The following PRICKLE2 variants were observed in gnomAD, a reference collection of about 807,000 sequenced individuals.
PRICKLE2 encodes prickle-like protein 2.
Under a neutral mutation model 81.4 loss-of-function variants are expected in PRICKLE2, and 21 were observed. The ratio of observed to expected loss-of-function variants is 0.26; its 90% CI spans 0.18 to 0.37. The LOEUF is 0.37. Ranked by LOEUF, PRICKLE2 falls within the 10% of genes least tolerant of loss-of-function variation. The pLI is 1.00. For synonymous variants in PRICKLE2, 456 were observed against 421.5 expected (o/e 1.08, Z -1.00); for missense variants, 940 against 1,109.0 (o/e 0.85, Z 2.16).
At chr3:64,238,178 C>T (rs1350349951) in intron 2 of PRICKLE2, among the ~76,000 whole-genome samples, 5 of 152,172 alleles carry the variant, frequency 3.3e-5, no homozygotes, top group Non-Finnish European at 5.9e-5. Flanking sequence ...CCACAACGTG[C>T]TTCCTTTTAG....
At chr3:64,133,377 G>T (rs1233943622) in intron 7 of PRICKLE2, among the ~76,000 whole-genome samples, 3 of 152,120 alleles carry the variant, frequency 2.0e-5, no homozygotes, top group Non-Finnish European at 1.5e-5. Flanking sequence ...GCCAGAGCTG[G>T]AAACAGATCT....
chr3:64,193,485 G>A (rs1048768662), intron 2 of PRICKLE2, among the ~76,000 whole-genome samples: 2 of 152,144 alleles, frequency 1.3e-5, no homozygotes, highest in African/African-American at 2.4e-5. Context: ...AATCCAGATC[G>A]AAATATACTG....
chr3:64,245,142 G>T (rs1240704627), intron 2 of PRICKLE2, among the ~76,000 whole-genome samples: 1 of 152,128 alleles, frequency 6.6e-6, no homozygotes, highest in Non-Finnish European at 1.5e-5. Context: ...GATAATGCTA[G>T]AATTTTTTTT....
chr3:64,255,790 A>G (rs1328953976), intron 2 of PRICKLE2, among the ~76,000 whole-genome samples: 3 of 152,228 alleles, frequency 2.0e-5, no homozygotes. Flanking sequence ...ACGTGTGGTC[A>G]TATGTCAAAG....
intron 7 of PRICKLE2, among the ~76,000 whole-genome samples, chr3:64,140,164 A>C (rs2077338542): frequency 6.6e-6 from 1 of 152,152 alleles, no homozygotes; most frequent in African/African-American, 2.4e-5. Flanking sequence ...TACAACCCTG[A>C]AAAGTAGGGT....
chr3:64,236,033 T>G (rs1252875779), intron 2 of PRICKLE2, among the ~76,000 whole-genome samples: 6 of 152,208 alleles, frequency 3.9e-5, no homozygotes, highest in African/African-American at 1.4e-4. Context: ...AAGATTTAGA[T>G]TTCCTTGTGT....
chr3:64,133,697 C>T (rs1428416102), intron 7 of PRICKLE2, among the ~76,000 whole-genome samples: 1 of 152,128 alleles, frequency 6.6e-6, no homozygotes, highest in Non-Finnish European at 1.5e-5. Flanking sequence ...GTAACATGGG[C>T]ATAATTAGGC....
chr3:64,188,280 A>C (rs2078271966), intron 2 of PRICKLE2, among the ~76,000 whole-genome samples: 1 of 152,226 alleles, frequency 6.6e-6, no homozygotes, highest in Admixed American at 6.5e-5. Flanking sequence ...GTTACAGCTA[A>C]GAAAACTGAT....
At chr3:64,143,992 ATCTAC>A (rs2077404716) in intron 7 of PRICKLE2, among the ~76,000 whole-genome samples, 1 of 148,556 alleles carries the variant, frequency 6.7e-6, no homozygotes, top group South Asian at 2.1e-4. Flanking sequence ...GGATGAGGAT[ATCTAC>A]TCTTTGTTCT....
chr3:64,100,238 T>A (rs779850148), intron 7 of PRICKLE2: 7 of 375,074 alleles, frequency 1.9e-5, no homozygotes, highest in Non-Finnish European at 2.4e-5. Flanking sequence ...TTCCTCTATT[T>A]GGAGTTTCAC....
chr3:64,111,305 G>A (rs529823248), intron 7 of PRICKLE2, among the ~76,000 whole-genome samples: 31 of 152,294 alleles, frequency 2.0e-4, no homozygotes, highest in South Asian at 4.1e-4. Context: ...GCACTTTTAC[G>A]CATGTTGTCA....
intron 2 of PRICKLE2, among the ~76,000 whole-genome samples, chr3:64,195,717 A>G (rs1340504745): frequency 6.6e-6 from 1 of 152,368 alleles, no homozygotes; most frequent in East Asian, 1.9e-4. Flanking sequence ...TATACGTAAT[A>G]GACTTTAAAA....
At chr3:64,231,564 G>A (rs905559833) in intron 2 of PRICKLE2, among the ~76,000 whole-genome samples, 1 of 152,134 alleles carries the variant, frequency 6.6e-6, no homozygotes, top group South Asian at 2.1e-4. Context: ...TCTTGGAAGA[G>A]AACATTGGCA....
At chr3:64,100,114 C>A in intron 7 of PRICKLE2, 189 bp from the exon 8 acceptor site, 1 of 608,350 alleles carries the variant, frequency 1.6e-6, no homozygotes, top group Non-Finnish European at 2.9e-6. Flanking sequence ...TCACTATCTA[C>A]CTAGAGGGGG....
intron 7 of PRICKLE2, among the ~76,000 whole-genome samples, chr3:64,114,297 C>T (rs565678708): frequency 7.2e-5 from 11 of 152,178 alleles, no homozygotes; most frequent in South Asian, 4.1e-4. Context: ...GCTGAAAATA[C>T]GAAAAGCCAG....
chr3:64,169,638 A>G (rs2077896588), intron 2 of PRICKLE2, among the ~76,000 whole-genome samples: 1 of 152,220 alleles, frequency 6.6e-6, no homozygotes, highest in African/African-American at 2.4e-5. Flanking sequence ...AAAGGCAAAC[A>G]CAAACACAAG....
chr3:64,146,851 G>T lies in PRICKLE2; in HGVS notation c.1639C>A (p.Leu547Met), dbSNP rs368904012. 2.7e-5 allele frequency: 44 copies of T among 1,614,034 alleles called. No individual in the cohort carries two copies. The Middle Eastern group carries it at 4.9e-4, about 18-fold the overall frequency. ...EQTPRGSMES[L>M]ALSNATGLSA... ...CTACCTGTTGCATTAGACAGGGCCAGGGATTCCATGGAGCCCCGAGGGGTC... is the reference window on the plus strand; with the variant it reads ...CTACCTGTTGCATTAGACAGGGCCATGGATTCCATGGAGCCCCGAGGGGTC... Residue 547 changes from leucine to methionine, a missense_variant, in exon 7 of 8, where the codon CTG becomes ATG. By Grantham distance (15) the Leu-to-Met change is conservative. Coordinates refer to ENST00000638394, the MANE Select transcript of PRICKLE2 (RefSeq NM_198859.4).
chr3:64,264,244 C>T (rs143262693), intron 2 of PRICKLE2, among the ~76,000 whole-genome samples: 2 of 152,282 alleles, frequency 1.3e-5, no homozygotes, highest in African/African-American at 2.4e-5. Flanking sequence ...CCTTCATCAT[C>T]TGTGAAATAG....
rs1387214592 is a variant in PRICKLE2, at chr3:64,146,815, G to A, written c.1660+15C>T. 6.2e-7 allele frequency: 1 copy of A among 1,613,930 alleles called. No homozygotes were observed. The highest frequency in any genetic ancestry group is 2.2e-5 in the East Asian group (1 of 44,868). ...TACCCCCTTTCTATCTGTTTTCAAG[G>A]TGAACAGAACCTACCTGTTGCATTA... On this transcript the variant is annotated intron_variant, in intron 7 of 7. Transcript: ENST00000638394.
Sources: gnomAD v4.1 joint callset for allele counts (sites outside exome capture counted in the v4.1 genomes callset) on GRCh38, gnomAD v4.1.1 for gene constraint, MANE v1.5 for transcripts, NCBI Gene and HGNC (gene_info 2026-07-23, HGNC 2026-07-21) for gene names.